Variants in CFAP95 observed in about 807,000 individuals in gnomAD.
The protein encoded by CFAP95 is cilia and flagella associated protein 95.
chr9:69,866,645 G>T, the CFAP95 span, among the ~76,000 whole-genome samples: 1 of 152,146 alleles, frequency 6.6e-6, no homozygotes, highest in Non-Finnish European at 1.5e-5. Flanking sequence ...CTCTATTTTG[G>T]ATTAGCAAAA....
the CFAP95 span, among the ~76,000 whole-genome samples, chr9:69,867,394 A>G: frequency 2.0e-5 from 3 of 152,222 alleles, no homozygotes; most frequent in African/African-American, 4.8e-5. Context: ...CATTCAAGTT[A>G]TATCTGCCAA....
the CFAP95 span, among the ~76,000 whole-genome samples, chr9:69,844,957 A>T: frequency 1.1e-4 from 17 of 152,186 alleles, no homozygotes. Context: ...CCTCCACAAT[A>T]ACCCTGCAAA....
the CFAP95 span, among the ~76,000 whole-genome samples, chr9:69,824,543 A>G: frequency 1.3e-5 from 2 of 148,278 alleles, no homozygotes; most frequent in Admixed American, 1.3e-4. Context: ...TATCCTTTTC[A>G]TGTTCTATTT....
At chr9:69,838,680 T>A in the CFAP95 span, among the ~76,000 whole-genome samples, 85 of 151,918 alleles carry the variant, frequency 5.6e-4, 1 homozygote, top group Non-Finnish European at 1.2e-3. Context: ...GTCTGCAAAC[T>A]GGGACAATTT....
At chr9:69,902,114 C>T in the CFAP95 span, 5 of 258,590 alleles carry the variant, frequency 1.9e-5, no homozygotes, top group South Asian at 7.7e-5. Context: ...CATTCTCATT[C>T]GTCTAGTGTA....
chr9:69,835,747 G>A, the CFAP95 span, among the ~76,000 whole-genome samples: 1 of 152,216 alleles, frequency 6.6e-6, no homozygotes, highest in Non-Finnish European at 1.5e-5. Flanking sequence ...TGTCAAATGA[G>A]AAGGCTGATA....
the CFAP95 span, among the ~76,000 whole-genome samples, chr9:69,887,439 T>C: frequency 6.6e-6 from 1 of 152,220 alleles, no homozygotes; most frequent in Admixed American, 6.5e-5. Context: ...GAAAAACATC[T>C]TATTTTCCAA....
At chr9:69,889,753 G>A in the CFAP95 span, among the ~76,000 whole-genome samples, 21 of 152,106 alleles carry the variant, frequency 1.4e-4, no homozygotes, top group African/African-American at 3.9e-4. Context: ...CCATTGGGCT[G>A]TAACATTAGA....
At chr9:69,905,340 C>T in the CFAP95 span, among the ~76,000 whole-genome samples, 1 of 152,076 alleles carries the variant, frequency 6.6e-6, no homozygotes, top group Non-Finnish European at 1.5e-5. Flanking sequence ...TCTGCCATTA[C>T]CCTTGGTGTA....
the CFAP95 span, among the ~76,000 whole-genome samples, chr9:69,877,368 T>C: frequency 6.6e-6 from 1 of 152,222 alleles, no homozygotes; most frequent in Admixed American, 6.5e-5. Context: ...AAACACCTTA[T>C]TGGTGTTTAG....
the CFAP95 span, among the ~76,000 whole-genome samples, chr9:69,847,860 CAG>C: frequency 6.6e-6 from 1 of 152,140 alleles, no homozygotes; most frequent in African/African-American, 2.4e-5. Context: ...TTATTTGTAG[CAG>C]AGTTTAAAAT....
the CFAP95 span, chr9:69,858,140 A>ACG: frequency 1.7e-6 from 1 of 595,862 alleles, no homozygotes; most frequent in Non-Finnish European, 3.0e-6. Flanking sequence ...TTTCACATGC[A>ACG]CAACATTAAT....
At chr9:69,839,751 G>A in the CFAP95 span, among the ~76,000 whole-genome samples, 1 of 151,702 alleles carries the variant, frequency 6.6e-6, no homozygotes, top group South Asian at 2.1e-4. Flanking sequence ...TTTTATGCAT[G>A]GAAATACATG....
At chr9:69,845,593 G>A in the CFAP95 span, among the ~76,000 whole-genome samples, 1 of 152,146 alleles carries the variant, frequency 6.6e-6, no homozygotes, top group African/African-American at 2.4e-5. Context: ...GCATGGCAGT[G>A]CCATTTCCTC....
At chr9:69,901,262 C>T in the CFAP95 span, among the ~76,000 whole-genome samples, 1,220 of 151,888 alleles carry the variant, frequency 8.0e-3, 19 homozygotes, top group African/African-American at 0.027. Context: ...CTCAGCCTCC[C>T]GAGTAGCTGG....
At chr9:69,869,329 T>C in the CFAP95 span, among the ~76,000 whole-genome samples, 5 of 152,134 alleles carry the variant, frequency 3.3e-5, no homozygotes, top group African/African-American at 1.2e-4. Flanking sequence ...CTAGAGGATA[T>C]GATGCTAAGT....
the CFAP95 span, among the ~76,000 whole-genome samples, chr9:69,894,095 G>A: frequency 1.3e-5 from 2 of 152,130 alleles, no homozygotes; most frequent in Non-Finnish European, 2.9e-5. Context: ...AAAAGGATAT[G>A]GTGGCCTTTC....
the CFAP95 span, among the ~76,000 whole-genome samples, chr9:69,821,478 AG>A: frequency 1.3e-5 from 2 of 152,102 alleles, no homozygotes; most frequent in South Asian, 4.1e-4. Context: ...GTGCTGTCAG[AG>A]GCCTGGAAAT....
chr9:69,868,786 G>A, the CFAP95 span, among the ~76,000 whole-genome samples: 1 of 147,566 alleles, frequency 6.8e-6, no homozygotes. Context: ...AATTTACAAG[G>A]AACTCATACA....
Sources: allele counts gnomAD v4.1 joint callset (sites outside exome capture counted in the v4.1 genomes callset), GRCh38; gene constraint gnomAD v4.1.1; transcripts MANE v1.5; gene names NCBI Gene and HGNC (gene_info 2026-07-23, HGNC 2026-07-21).